The following HIP1R variants were observed in gnomAD, a reference collection of about 807,000 sequenced individuals.
The protein encoded by HIP1R is huntingtin-interacting protein 1-related protein.
HIP1R carries 135 observed loss-of-function variants against 144.2 expected under a neutral mutation model. The observed-to-expected ratio is 0.94, with a 90% CI of 0.81 to 1.08. The LOEUF is 1.08. HIP1R is among the 50% of genes least tolerant of loss of function. The pLI is 0.00. For missense variants in HIP1R, 1,462 were observed against 1,432.8 expected, an observed-to-expected ratio of 1.02 and a Z score of -0.33; for synonymous variants, 698 against 612.8, an observed-to-expected ratio of 1.14 and a Z score of -2.05.
intron 26 of HIP1R, 29 bp from the exon 27 acceptor site, chr12:122,860,394 G>A (rs770207571): frequency 6.2e-7 from 1 of 1,610,120 alleles, no homozygotes; most frequent in Non-Finnish European, 8.5e-7. Flanking sequence ...TGACTGGCAT[G>A]TCCTGCCCTG....
intron 24 of HIP1R, 98 bp downstream of exon 24, chr12:122,859,928 C>A: frequency 6.8e-7 from 1 of 1,471,628 alleles, no homozygotes; most frequent in Non-Finnish European, 9.2e-7. Flanking sequence ...GAAAGGAAGG[C>A]CTGGCTCAGA....
Position 122,858,201 on chromosome 12 carries a change from G to C in HIP1R, c.1915G>C (p.Val639Leu). The C allele has an allele frequency of 6.2e-7, 1 of 1,608,202 alleles. No homozygotes were observed. The highest frequency in any genetic ancestry group is 8.5e-7 in the Non-Finnish European group (1 of 1,177,304). Residue 639 changes from valine (V) to leucine (L), a missense_variant, in exon 19 of 32, where the codon GTG becomes CTG. By Grantham distance (32) the Val-to-Leu change is conservative (BLOSUM62 1). Around this residue, in one of 2 missense-constraint regions of HIP1R, gnomAD observed 1,112 missense variants for 1,011.7 expected, o/e 1.10. Coordinates refer to ENST00000253083, the MANE Select transcript of HIP1R (RefSeq NM_003959.3). ...GGCCGCGGGCATCCTGCAGGATGCC[G>C]TGAGCAAGCTGGACGACCCCCTGCA... ...AEAAGILQDA[V>L]SKLDDPLHLR...
Position 122,859,071 on chromosome 12 carries a change from C to T in HIP1R, c.2169C>T (p.Asp723=). 1 of 1,606,368 alleles carries T rather than the reference C, an allele frequency of 6.2e-7. No individual in the cohort carries two copies. Among genetic ancestry groups the T allele is most frequent in the Non-Finnish European group, 8.5e-7 (1 of 1,177,024 alleles). The part of the protein sequence containing the change: ...APTDPADRLI[D]TCRECGARAL... ...CCTTTCTCACCCCAGGCCTCATAGA[C>T]ACCTGCAGGGAGTGCGGGGCCCGGG... Residue 723 remains aspartate, a synonymous_variant, in exon 22 of 32, where the codon GAC becomes GAT. Coordinates refer to ENST00000253083, the MANE Select transcript of HIP1R (RefSeq NM_003959.3).
At chr12:122,845,545 T>C (rs1251467562) in intron 1 of HIP1R, among the ~76,000 whole-genome samples, 1 of 152,200 alleles carries the variant, frequency 6.6e-6, no homozygotes, top group Non-Finnish European at 1.5e-5. Context: ...ACTGCATTCC[T>C]GGGGCCTCCC....
Position 122,861,796 on chromosome 12 carries a change from C to G in HIP1R, c.*43C>G. ...CAGGGTGGCTGGTGACAGGCCTGGGCCTCTGCAACTGCCCTGACAGGACCG... is the reference window on the plus strand; with the variant it reads ...CAGGGTGGCTGGTGACAGGCCTGGGGCTCTGCAACTGCCCTGACAGGACCG... On this transcript the variant is annotated 3_prime_UTR_variant, in exon 32 of 32. Coordinates refer to ENST00000253083, the MANE Select transcript of HIP1R (RefSeq NM_003959.3). 1 of 1,588,432 alleles carries G rather than the reference C, an allele frequency of 6.3e-7. No homozygotes were observed. Among genetic ancestry groups the G allele is most frequent in the Non-Finnish European group, 8.6e-7 (1 of 1,157,948 alleles).
chr12:122,856,734 T>C lies in HIP1R; in HGVS notation c.1620+8T>C. 6.4e-7 allele frequency: 1 copy of C among 1,559,604 alleles called. No individual in the cohort carries two copies. The highest frequency in any genetic ancestry group is 8.7e-7 in the Non-Finnish European group (1 of 1,151,528). On this transcript the variant is annotated splice_region_variant and intron_variant, in intron 17 of 31. Coordinates refer to ENST00000253083, the MANE Select transcript of HIP1R (RefSeq NM_003959.3). The stretch of plus-strand genomic sequence containing the variant: ...CTGAGCCACACAGAGCAGGTGCATC[T>C]GGCTTTGATGACTGGAGGTGGGGTT...
At chr12:122,856,955 G>C in intron 17 of HIP1R, 66 bp from the exon 18 acceptor site, 1 of 1,462,798 alleles carries the variant, frequency 6.8e-7, no homozygotes, top group Non-Finnish European at 9.3e-7. Context: ...GTTTATAAGC[G>C]TGGGGGCAGG....
At position 122,861,239 on chromosome 12, in the gene HIP1R, CGA is replaced by C. The variant is rs761896340; in HGVS notation, c.2952+48_2952+49del. 4 of 1,612,976 alleles carry C rather than the reference CGA, an allele frequency of 2.5e-6. No individual in the cohort carries two copies. The East Asian group carries it at 6.7e-5, about 27-fold the overall frequency. ...GTGACCTCTGAGCTCATCCCTCGGG[CGA>C]AGCCTGGACCCAGGAGAGAGCTCCC... is the stretch of plus-strand genomic sequence containing the variant. On this transcript the variant is annotated intron_variant, in intron 30 of 31. Coordinates refer to ENST00000253083, the MANE Select transcript of HIP1R (RefSeq NM_003959.3).
chr12:122,856,091 C>T lies in HIP1R; in HGVS notation c.1240C>T (p.His414Tyr), dbSNP rs1236647164. 1 of 1,585,672 alleles carries T rather than the reference C, an allele frequency of 6.3e-7. No homozygotes were observed. The highest frequency in any genetic ancestry group is 1.8e-5 in the Admixed American group (1 of 54,680). ...KALVDNEQLR[H>Y]ELAQLRAAQL... The stretch of plus-strand genomic sequence containing the variant: ...CCTGGTGGATAATGAGCAGCTCCGC[C>T]ACGAGCTGGCCCAGCTGAGGGCTGC... Residue 414 changes from histidine (H) to tyrosine (Y), a missense_variant, in exon 14 of 32, where the codon CAC becomes TAC. Physicochemically the swap from His to Tyr is moderately conservative, Grantham distance 83. Coordinates refer to ENST00000253083, the MANE Select transcript of HIP1R (RefSeq NM_003959.3).
chr12:122,844,660 G>C lies in HIP1R; in HGVS notation c.94-3371G>C, dbSNP rs567150252. 4.5e-4 allele frequency among the ~76,000 whole-genome samples: 69 copies of C among 152,356 alleles called. 1 individual carries two copies. The East Asian group carries it at 8.7e-3, about 19-fold the overall frequency. Reference sequence around the variant, plus strand: ...CCCCTGCCTCTTGGGAGCTGGATGGGAGCTGTGGGTGCTGAGTAGCGGACA... The same window carrying C: ...CCCCTGCCTCTTGGGAGCTGGATGGCAGCTGTGGGTGCTGAGTAGCGGACA... On this transcript the variant is annotated intron_variant, in intron 1 of 31. Transcript: ENST00000253083.
intron 14 of HIP1R, 37 bp from the exon 15 acceptor site, chr12:122,856,219 C>T (rs1312575269): frequency 5.0e-6 from 8 of 1,612,770 alleles, no homozygotes; most frequent in Non-Finnish European, 5.9e-6. Context: ...CCCTGCCACC[C>T]CACACGGGGC....
chr12:122,858,669 C>T (rs989996435), intron 20 of HIP1R, among the ~76,000 whole-genome samples, 169 bp from the exon 21 acceptor site: 7 of 152,170 alleles, frequency 4.6e-5, no homozygotes, highest in East Asian at 1.9e-4. Flanking sequence ...CTGAAGGGCC[C>T]GGGGCCACAC....
chr12:122,858,225 C>T lies in HIP1R; in HGVS notation c.1939C>T (p.His647Tyr), dbSNP rs1276625210. Residue 647 changes from histidine (H) to tyrosine (Y), a missense_variant, in exon 19 of 32, where the codon CAC (histidine) becomes TAC (tyrosine). Coordinates refer to ENST00000253083, the MANE Select transcript of HIP1R (RefSeq NM_003959.3). ...CGTGAGCAAGCTGGACGACCCCCTG[C>T]ACCTGCGCTGTACCAGCTCCCCAGG... ...DAVSKLDDPLHLRCTSSPDYL... is the reference protein window; with the variant it reads ...DAVSKLDDPLYLRCTSSPDYL... 1 of 1,603,536 alleles carries T rather than the reference C, an allele frequency of 6.2e-7. No homozygotes were observed. Among genetic ancestry groups the T allele is most frequent in the Admixed American group, 1.7e-5 (1 of 59,362 alleles).
At position 122,856,143 on chromosome 12, in the gene HIP1R, G is replaced by C. The variant is rs779628492; in HGVS notation, c.1292G>C (p.Gly431Ala). The C allele has an allele frequency of 1.9e-6, 3 of 1,596,164 alleles. No individual in the cohort carries two copies. Among genetic ancestry groups the C allele is most frequent in the Non-Finnish European group, 2.6e-6 (3 of 1,171,916 alleles). Residue 431 changes from glycine (G) to alanine (A), a missense_variant, in exon 14 of 32, where the codon GGC becomes GCC. Gly to Ala is a moderately conservative substitution (Grantham distance 60, BLOSUM62 0). Around this residue, in one of 2 missense-constraint regions of HIP1R, gnomAD observed 1,112 missense variants for 1,011.7 expected, o/e 1.10. Coordinates refer to ENST00000253083, the MANE Select transcript of HIP1R (RefSeq NM_003959.3). ...CAGCTGGAGGGCGAGCGGAGCCAGGGCCTGCGTGAGGAGGCTGAGAGTACG... is the reference window on the plus strand; with the variant it reads ...CAGCTGGAGGGCGAGCGGAGCCAGGCCCTGCGTGAGGAGGCTGAGAGTACG... Reference protein sequence around the residue: ...AAQLEGERSQGLREEAERKAS... With the variant: ...AAQLEGERSQALREEAERKAS...
Position 122,835,507 on chromosome 12 carries a change from A to G in HIP1R, c.-44A>G. On this transcript the variant is annotated 5_prime_UTR_variant, in exon 1 of 32. Transcript: ENST00000253083. ...GGGGCTGCCGGACCGTGAGGCTGTG[A>G]GTCGCGCGGACGGAGCCGGACAAAA... 1.5e-6 allele frequency: 2 copies of G among 1,290,566 alleles called. No individual in the cohort carries two copies. The highest frequency in any genetic ancestry group is 2.0e-5 in the South Asian group (1 of 50,896). 79.9% of individuals were successfully genotyped at this position (1,290,566 alleles called of 1,614,324 possible).
At position 122,859,840 on chromosome 12, in the gene HIP1R, C is replaced by G. The variant is rs776581985; in HGVS notation, c.2465+10C>G. 3.7e-6 allele frequency: 6 copies of G among 1,611,362 alleles called. No homozygotes were observed. Among genetic ancestry groups the G allele is most frequent in the African/African-American group, 1.3e-5 (1 of 74,914 alleles). On this transcript the variant is annotated intron_variant, in intron 24 of 31. Transcript: ENST00000253083. The stretch of plus-strand genomic sequence containing the variant: ...TGGAGGTGAACGAGAGGTGAGCCCC[C>G]CTTCTGTCCCCCCAGGCCCAGCCGA...
intron 25 of HIP1R, 25 bp from the exon 26 acceptor site, chr12:122,860,123 G>A (rs750115432): frequency 1.2e-4 from 198 of 1,587,542 alleles, no homozygotes; most frequent in Non-Finnish European, 1.7e-4. Context: ...AGGGCCACCA[G>A]TCATTGCTGT....
intron 18 of HIP1R, chr12:122,857,515 G>A (rs935673859): frequency 1.7e-5 from 9 of 524,260 alleles, no homozygotes; most frequent in Non-Finnish European, 3.1e-5. Flanking sequence ...TCTGGCTGTT[G>A]TAAATAGTGC....
At position 122,861,833 on chromosome 12, in the gene HIP1R, C is replaced by T. The variant is rs568137034; in HGVS notation, c.*80C>T. The T allele has an allele frequency of 1.0e-5, 14 of 1,367,178 alleles. No individual in the cohort carries two copies. Among genetic ancestry groups the T allele is most frequent in the Non-Finnish European group, 1.1e-5 (11 of 970,376 alleles). 84.7% of individuals were successfully genotyped at this position (1,367,178 alleles called of 1,614,324 possible). A position where few individuals can be genotyped will look rare whatever the true frequency, so the allele number is the denominator to read the frequency against. On this transcript the variant is annotated 3_prime_UTR_variant, in exon 32 of 32. Transcript: ENST00000253083. ...CCCTGACAGGACCGAGAGGCCTTGC[C>T]CCTCCACCTGGTGCCCAAGCCTCCC...
Sources: gnomAD v4.1 joint callset for allele counts (sites outside exome capture counted in the v4.1 genomes callset) on GRCh38, gnomAD v4.1.1 for gene constraint, gnomAD v4.1.1 regional missense constraint, MANE v1.5 for transcripts, NCBI Gene and HGNC (gene_info 2026-07-23, HGNC 2026-07-21) for gene names.